The following TRIP11 variants were observed in gnomAD, a reference collection of about 807,000 sequenced individuals.
The protein encoded by TRIP11 is thyroid receptor-interacting protein 11.
TRIP11 carries 148 observed loss-of-function variants against 223.1 expected under a neutral mutation model. The observed-to-expected ratio is 0.66, with a 90% CI of 0.58 to 0.76. The LOEUF (loss-of-function observed/expected upper bound fraction) is 0.76. Among genes scored for constraint, TRIP11 ranks in the 30% least tolerant of loss-of-function variants. The probability of loss-of-function intolerance (pLI) is 0.00; values close to 1 mark genes in which losing one functional copy is unlikely to be tolerated. For synonymous variants in TRIP11, 762 were observed against 772.6 expected (o/e 0.99, Z 0.23); for missense variants, 2,043 against 2,222.0 (o/e 0.92, Z 1.62).
chr14:92,014,723 T>TA, intron 6 of TRIP11, 146 bp from the exon 7 acceptor site: 1 of 858,696 alleles, frequency 1.2e-6, no homozygotes. Flanking sequence ...TGTTTTAAAA[T>TA]AAATAAGTTG....
rs35038594 is a variant in TRIP11, at chr14:92,021,388, CA to C, written c.588+167del. ...TGGGAGACAGAGCAAGATTCTGTCT[CA>C]AAAAAAAAAAAAAAAAGAAAGAAAG... On this transcript the variant is annotated intron_variant, in intron 4 of 20. Transcript: ENST00000267622. Among the ~76,000 whole-genome samples the C allele has an allele frequency of 0.48, 51,988 of 109,352 alleles. 9,269 individuals carry two copies. Among genetic ancestry groups the C allele is most frequent in the African/African-American group, 0.54 (17,637 of 32,934 alleles). 71.7% of individuals were successfully genotyped at this position (109,352 alleles called of 152,430 possible).
Position 92,005,223 on chromosome 14 carries a change from A to G in TRIP11, c.2753T>C (p.Ile918Thr). ...CTTACTCTGGTTTTGATCTTCAATT[A>G]TCTTTTGATGATGTTTAATTTCCTC... is the stretch of plus-strand genomic sequence containing the variant. ...LEEEIKHHQK[I>T]IEDQNQSKMQ... The change falls in exon 11 of 21, where the codon ATA becomes ACA. Residue 918 changes from isoleucine to threonine, a missense_variant. Ile to Thr is a moderately conservative substitution (Grantham distance 89, BLOSUM62 -1). Coordinates refer to ENST00000267622, the MANE Select transcript of TRIP11 (RefSeq NM_004239.4). 1 of 1,614,186 alleles carries G rather than the reference A, an allele frequency of 6.2e-7. No homozygotes were observed. The highest frequency in any genetic ancestry group is 1.1e-5 in the South Asian group (1 of 91,074).
At chr14:92,001,137 A>G (rs1299390599) in intron 11 of TRIP11, among the ~76,000 whole-genome samples, 1 of 152,054 alleles carries the variant, frequency 6.6e-6, no homozygotes, top group Non-Finnish European at 1.5e-5. Context: ...CTGGGATTAC[A>G]TGTGTGAGCC....
rs1470552483 is a variant in TRIP11 at position 92,010,359 on chromosome 14, C to T, written c.1314+627G>A. On this transcript the variant is annotated intron_variant, in intron 9 of 20. Coordinates refer to ENST00000267622, the MANE Select transcript of TRIP11 (RefSeq NM_004239.4). ...CACCCTGACCAACATGGAGAAACCC[C>T]GTCTCCACTAAAAATACAAAATTAG... 3.3e-5 allele frequency among the ~76,000 whole-genome samples: 5 copies of T among 152,160 alleles called. No individual in the cohort carries two copies. In the South Asian group the frequency reaches 6.2e-4, roughly 19 times the overall value.
chr14:92,005,709 G>A lies in TRIP11; in HGVS notation c.2267C>T (p.Ala756Val). Reference protein sequence around the residue: ...LSNARNLNTSALQLEHEHLIK... With the variant: ...LSNARNLNTSVLQLEHEHLIK... ...TAAATGCTCATGTTCCAGCTGTAAG[G>A]CAGAGGTATTCAAATTACGTGCATT... is the stretch of plus-strand genomic sequence containing the variant. The change falls in exon 11 of 21, where the codon GCC becomes GTC. Residue 756 changes from alanine (A) to valine (V), a missense_variant. Coordinates refer to ENST00000267622, the MANE Select transcript of TRIP11 (RefSeq NM_004239.4). The A allele has an allele frequency of 6.2e-7, 1 of 1,613,856 alleles. No individual in the cohort carries two copies. The highest frequency in any genetic ancestry group is 8.5e-7 in the Non-Finnish European group (1 of 1,180,010).
Position 92,040,030 on chromosome 14 carries a change from T to C in TRIP11, c.-345A>G, listed in dbSNP as rs998991239. 1.2e-5 allele frequency: 5 copies of C among 422,738 alleles called. No individual in the cohort carries two copies. The highest frequency in any genetic ancestry group is 2.0e-5 in the African/African-American group (1 of 50,680). The allele number at this position is 422,738 out of a possible 1,614,324, so 26.2% of individuals were successfully genotyped here. On this transcript the variant is annotated 5_prime_UTR_variant, in exon 1 of 21. It removes an upstream start codon present in the reference 5' UTR. Transcript: ENST00000267622. ...CCTGCCAACTCGACGCCGGCCGCCA[T>C]GACACTCGCTCGGAAAGCGGCAGCG...
chr14:91,994,466 A>G (rs1195242302), intron 14 of TRIP11, among the ~76,000 whole-genome samples: 1 of 150,968 alleles, frequency 6.6e-6, no homozygotes, highest in Non-Finnish European at 1.5e-5. Flanking sequence ...CTGGTCTTGA[A>G]CTCCTGACCT....
intron 13 of TRIP11, among the ~76,000 whole-genome samples, chr14:91,995,983 C>T (rs1332723638): frequency 5.3e-5 from 8 of 152,166 alleles, no homozygotes; most frequent in Non-Finnish European, 1.0e-4. Context: ...AAACATCCTA[C>T]ATTTTTTATT....
chr14:92,013,592 G>C (rs2056999866), intron 7 of TRIP11, among the ~76,000 whole-genome samples: 1 of 152,148 alleles, frequency 6.6e-6, no homozygotes, highest in Non-Finnish European at 1.5e-5. Context: ...CAATGGAATA[G>C]AAAAAAGAGG....
intron 16 of TRIP11, among the ~76,000 whole-genome samples, chr14:91,982,996 T>C (rs1477137393): frequency 2.0e-5 from 3 of 152,224 alleles, no homozygotes; most frequent in Admixed American, 1.3e-4. Flanking sequence ...TTCCAGATTA[T>C]GACACACAGT....
Position 91,975,201 on chromosome 14 carries a change from G to T in TRIP11, c.5428C>A (p.Leu1810Met), listed in dbSNP as rs1339960498. 4 of 1,613,556 alleles carry T rather than the reference G, an allele frequency of 2.5e-6. No homozygotes were observed. Among genetic ancestry groups the T allele is most frequent in the Non-Finnish European group, 3.4e-6 (4 of 1,179,782 alleles). The change falls in exon 18 of 21, where the codon CTG (leucine) becomes ATG (methionine). Residue 1810 changes from leucine to methionine, a missense_variant. Coordinates refer to ENST00000267622, the MANE Select transcript of TRIP11 (RefSeq NM_004239.4). ...TCCATCTCCTCCCTTCTGACGCCCAGGATGCTCCCCATTAACCGTAACACT... is the reference window on the plus strand; with the variant it reads ...TCCATCTCCTCCCTTCTGACGCCCATGATGCTCCCCATTAACCGTAACACT... ...HEVLRLMGSI[L>M]GVRREEMEQL...
intron 2 of TRIP11, among the ~76,000 whole-genome samples, chr14:92,029,280 A>ATTTTTTTTTTTTTTT (rs60778253): frequency 6.5e-5 from 5 of 76,762 alleles, no homozygotes; most frequent in East Asian, 5.0e-4. Flanking sequence ...CCAAAGTATT[A>ATTTTTTTTTTTTTTT]TTTTTTTTTT....
chr14:91,995,261 C>A (rs1157499822), intron 14 of TRIP11, 91 bp downstream of exon 14: 3 of 1,502,748 alleles, frequency 2.0e-6, no homozygotes, highest in Non-Finnish European at 1.8e-6. Context: ...TCAGAGATTT[C>A]CCCGTGCCTC....
At chr14:91,976,308 T>G (rs2056464351) in intron 16 of TRIP11, 119 bp from the exon 17 acceptor site, 3 of 863,536 alleles carry the variant, frequency 3.5e-6, no homozygotes, top group Non-Finnish European at 5.6e-6. Context: ...TTATTCTAAT[T>G]GGGAATATTC....
At position 91,972,720 on chromosome 14, in the gene TRIP11, T is replaced by C. The variant is rs764975158; in HGVS notation, c.5716A>G (p.Lys1906Glu). Reference protein sequence around the residue: ...KRDTNAPESFKDTAESRSGRR... With the variant: ...KRDTNAPESFEDTAESRSGRR... ...AAAATTAAATCTCTAGTTTTACCTT[T>C]AAAACTTTCTGGTGCATTTGTATCT... Residue 1906 changes from lysine (K) to glutamate (E), a missense_variant, in exon 20 of 21, where the codon AAA (lysine) becomes GAA (glutamate). Physicochemically the swap from Lys to Glu is moderately conservative, Grantham distance 56. Coordinates refer to ENST00000267622, the MANE Select transcript of TRIP11 (RefSeq NM_004239.4). 1.7e-5 allele frequency: 27 copies of C among 1,609,372 alleles called. No homozygotes were observed. The highest frequency in any genetic ancestry group is 2.2e-5 in the South Asian group (2 of 89,768).
At chr14:92,021,897 T>A (rs964365964) in intron 3 of TRIP11, 66 bp from the exon 4 acceptor site, 7 of 1,546,094 alleles carry the variant, frequency 4.5e-6, no homozygotes, top group Non-Finnish European at 6.2e-6. Flanking sequence ...TTTTTATAGA[T>A]TTGTATTAAA....
rs148072248 is a variant in TRIP11, at chr14:91,989,636, A to G, written c.5161-1253T>C. Among the ~76,000 whole-genome samples, 827 of 151,814 alleles carry G rather than the reference A, an allele frequency of 5.4e-3. 8 individuals carry two copies. Among genetic ancestry groups the G allele is most frequent in the African/African-American group, 0.019 (796 of 41,374 alleles). On this transcript the variant is annotated intron_variant, in intron 15 of 20. Transcript: ENST00000267622. ...TTTTGCCATCTTCAATCAGTGTGAT[A>G]GCCTTTTTACTGTGTCATCCTGGAT...
chr14:92,014,075 C>A, intron 7 of TRIP11, 140 bp downstream of exon 7: 2 of 1,241,284 alleles, frequency 1.6e-6, no homozygotes, highest in Non-Finnish European at 2.2e-6. Context: ...CCAAACCACA[C>A]AATTCTACCC....
chr14:91,993,741 G>T, intron 15 of TRIP11, 68 bp downstream of exon 15: 1 of 1,278,360 alleles, frequency 7.8e-7, no homozygotes, highest in South Asian at 1.2e-5. Context: ...TTATTTCCAA[G>T]ACAAAGACTC....
Sources: gnomAD v4.1 joint callset for allele counts (sites outside exome capture counted in the v4.1 genomes callset) on GRCh38, gnomAD v4.1.1 for gene constraint, MANE v1.5 for transcripts, NCBI Gene and HGNC (gene_info 2026-07-23, HGNC 2026-07-21) for gene names.